The following FAM227B variants were observed in gnomAD, a reference collection of about 807,000 sequenced individuals.
FAM227B encodes the protein protein FAM227B.
A neutral mutation model predicts 73.8 loss-of-function variants in FAM227B; 88 were observed. That is an observed-to-expected ratio of 1.19 (90% CI 1.00 to 1.42). FAM227B has a LOEUF of 1.42. FAM227B is among the 40% of genes most tolerant of loss of function. The probability of loss-of-function intolerance (pLI) is 0.00; values close to 1 mark genes in which losing one functional copy is unlikely to be tolerated. For missense variants in FAM227B, 632 were observed against 590.9 expected (o/e 1.07, Z -0.72); for synonymous variants, 210 against 190.5 (o/e 1.10, Z -0.84).
At chr15:49,513,952 T>A (rs755079936) in intron 10 of FAM227B, among the ~76,000 whole-genome samples, 3 of 152,156 alleles carry the variant, frequency 2.0e-5, no homozygotes, top group African/African-American at 4.8e-5. Context: ...TCCACTGGTC[T>A]ATATGTCTGT....
chr15:49,448,153 A>T (rs1280708127), intron 11 of FAM227B, among the ~76,000 whole-genome samples: 6 of 151,796 alleles, frequency 4.0e-5, no homozygotes, highest in Non-Finnish European at 8.8e-5. Flanking sequence ...GGCCAGATGA[A>T]TGAGGGTTAT....
intron 3 of FAM227B, among the ~76,000 whole-genome samples, chr15:49,610,975 T>C (rs982642565): frequency 2.0e-5 from 3 of 152,098 alleles, no homozygotes; most frequent in Non-Finnish European, 2.9e-5. Flanking sequence ...CAAAAGTATA[T>C]AGAAATGTCT....
intron 11 of FAM227B, among the ~76,000 whole-genome samples, chr15:49,435,076 T>TTCGAACAC (rs2050976286): frequency 6.6e-6 from 1 of 151,620 alleles, no homozygotes; most frequent in Non-Finnish European, 1.5e-5. Flanking sequence ...TACAAAATAG[T>TTCGAACAC]ATACATTAAA....
chr15:49,340,552 C>T (rs983241025), intron 13 of FAM227B, among the ~76,000 whole-genome samples: 4 of 152,094 alleles, frequency 2.6e-5, no homozygotes, highest in Non-Finnish European at 4.4e-5. Context: ...TGCAGACCAG[C>T]GCTTTTCCTA....
rs35391819 is a variant in FAM227B at position 49,589,542 on chromosome 15, TACACACACACAC to T, written c.337+222_337+233del. Among the ~76,000 whole-genome samples the T allele has an allele frequency of 1.9e-3, 260 of 139,806 alleles. 1 individual carries two copies. The highest frequency in any genetic ancestry group is 4.4e-3 in the Admixed American group (61 of 13,830). The allele number at this position is 139,806 out of a possible 152,430, so 91.7% of individuals were successfully genotyped here. On this transcript the variant is annotated intron_variant, in intron 4 of 15. Coordinates refer to ENST00000299338, the MANE Select transcript of FAM227B (RefSeq NM_152647.3). Reference sequence around the variant, plus strand: ...CTTAGAATTTCATTCTTTATGAGATTACACACACACACACACACACACACACACACACACACA... The same window carrying T: ...CTTAGAATTTCATTCTTTATGAGATTACACACACACACACACACACACACA...
At chr15:49,404,331 A>T (rs1193513920) in intron 11 of FAM227B, among the ~76,000 whole-genome samples, 1 of 152,098 alleles carries the variant, frequency 6.6e-6, no homozygotes, top group Non-Finnish European at 1.5e-5. Context: ...TTTCTGCCTC[A>T]ATGATCTGTA....
chr15:49,401,915 T>C (rs1401817476), intron 11 of FAM227B, among the ~76,000 whole-genome samples: 1 of 145,148 alleles, frequency 6.9e-6, no homozygotes. Context: ...GACGAGTTAG[T>C]GGGTGCAGCG....
At chr15:49,585,326 G>C (rs570450449) in intron 5 of FAM227B, among the ~76,000 whole-genome samples, 25 of 152,322 alleles carry the variant, frequency 1.6e-4, no homozygotes, top group South Asian at 1.2e-3. Context: ...ATTTGACCCA[G>C]CCATCCCATT....
intron 13 of FAM227B, among the ~76,000 whole-genome samples, chr15:49,342,245 G>C (rs556606627): frequency 6.6e-6 from 1 of 152,204 alleles, no homozygotes; most frequent in African/African-American, 2.4e-5. Flanking sequence ...GGATAGTTAA[G>C]TTTCCTGGTT....
At chr15:49,413,971 T>C (rs1318942212) in intron 11 of FAM227B, among the ~76,000 whole-genome samples, 1 of 151,922 alleles carries the variant, frequency 6.6e-6, no homozygotes, top group Admixed American at 6.6e-5. Flanking sequence ...TTCTCCTTTC[T>C]GTGTTAAATG....
At chr15:49,361,492 T>C (rs534178673) in intron 13 of FAM227B, among the ~76,000 whole-genome samples, 41 of 152,276 alleles carry the variant, frequency 2.7e-4, no homozygotes, top group African/African-American at 9.4e-4. Context: ...AGTGAGAACA[T>C]GTGGTTTTAG....
At chr15:49,470,724 T>C (rs2054664268) in intron 11 of FAM227B, among the ~76,000 whole-genome samples, 1 of 152,212 alleles carries the variant, frequency 6.6e-6, no homozygotes, top group Non-Finnish European at 1.5e-5. Flanking sequence ...ATCATTGCTG[T>C]TAAGTATAAA....
At chr15:49,558,070 AT>A (rs2073898552) in intron 9 of FAM227B, among the ~76,000 whole-genome samples, 1 of 151,850 alleles carries the variant, frequency 6.6e-6, no homozygotes, top group African/African-American at 2.4e-5. Flanking sequence ...GTGACCTCCT[AT>A]CCCCACTGCT....
At chr15:49,508,429 T>A in intron 10 of FAM227B, 81 bp from the exon 11 acceptor site, 3 of 1,244,782 alleles carry the variant, frequency 2.4e-6, no homozygotes, top group Non-Finnish European at 3.3e-6. Context: ...ATTTTTATGA[T>A]AATTATACAT....
chr15:49,591,220 G>A (rs1391089250), intron 3 of FAM227B, among the ~76,000 whole-genome samples: 3 of 150,332 alleles, frequency 2.0e-5, no homozygotes, highest in Admixed American at 6.6e-5. Flanking sequence ...GACTACAGGC[G>A]CCCGCCACCA....
chr15:49,422,078 G>A (rs902611654), intron 11 of FAM227B, among the ~76,000 whole-genome samples: 3 of 149,758 alleles, frequency 2.0e-5, no homozygotes, highest in African/African-American at 7.4e-5. Context: ...TTTCCTATTT[G>A]GTCTACATGC....
chr15:49,410,546 G>A (rs922046505), intron 11 of FAM227B, among the ~76,000 whole-genome samples: 1 of 151,980 alleles, frequency 6.6e-6, no homozygotes, highest in Admixed American at 6.6e-5. Flanking sequence ...TCTCAGAAAT[G>A]AATAGCTATT....
chr15:49,346,145 A>G (rs1337746691), intron 13 of FAM227B, among the ~76,000 whole-genome samples: 1 of 151,532 alleles, frequency 6.6e-6, no homozygotes, highest in Non-Finnish European at 1.5e-5. Flanking sequence ...TACCATCCAT[A>G]GTTCACCAAA....
intron 11 of FAM227B, among the ~76,000 whole-genome samples, chr15:49,380,681 C>T (rs1318170659): frequency 6.6e-6 from 1 of 152,076 alleles, no homozygotes; most frequent in African/African-American, 2.4e-5. Flanking sequence ...ATTTAACATC[C>T]ACTTCAAAGT....
Sources: gnomAD v4.1 joint callset for allele counts (sites outside exome capture counted in the v4.1 genomes callset) on GRCh38, gnomAD v4.1.1 for gene constraint, MANE v1.5 for transcripts, NCBI Gene and HGNC (gene_info 2026-07-23, HGNC 2026-07-21) for gene names.